The following IRAG1 variants were observed in gnomAD, a reference collection of about 807,000 sequenced individuals.
IRAG1 encodes the protein IP3R-associated cGMP kinase substrate.
IRAG1 carries 62 observed loss-of-function variants against 106.2 expected under a neutral mutation model. The observed-to-expected ratio is 0.58, with a 90% CI of 0.48 to 0.72. The LOEUF is 0.72. Among genes scored for constraint, IRAG1 ranks in the 30% least tolerant of loss-of-function variants. IRAG1 has a pLI of 0.00. For missense variants in IRAG1, 1,064 were observed against 1,140.7 expected, an observed-to-expected ratio of 0.93 and a Z score of 0.97; for synonymous variants, 462 against 443.9, an observed-to-expected ratio of 1.04 and a Z score of -0.51.
chr11:10,603,174 G>A lies in IRAG1; in HGVS notation c.1821C>T (p.His607=). The A allele has an allele frequency of 6.2e-7, 1 of 1,609,570 alleles. No individual in the cohort carries two copies. Among genetic ancestry groups the A allele is most frequent in the Non-Finnish European group, 8.5e-7 (1 of 1,178,022 alleles). Residue 607 remains histidine (H), a synonymous_variant, in exon 14 of 21, where the codon CAC becomes CAT. Coordinates refer to ENST00000423302, the MANE Select transcript of IRAG1 (RefSeq NM_130385.4). ...QKLLEDIAVL[H]RLAARLSSRA... is the part of the protein sequence containing the mutation. ...GGCTGGAGAGGCGGGCAGCCAGGCG[G>A]TGCAGGACAGCGATGTCCTCCAGCA... is the stretch of plus-strand genomic sequence containing the variant.
At chr11:10,615,186 C>T (rs960310807) in intron 10 of IRAG1, among the ~76,000 whole-genome samples, 44 of 152,210 alleles carry the variant, frequency 2.9e-4, no homozygotes, top group Non-Finnish European at 4.1e-4. Flanking sequence ...GAAAAATGCT[C>T]ATTATCACTG....
chr11:10,648,160 T>G (rs1858130941), intron 2 of IRAG1, among the ~76,000 whole-genome samples: 1 of 152,130 alleles, frequency 6.6e-6, no homozygotes, highest in Admixed American at 6.5e-5. Context: ...GGCCAGGAGT[T>G]TGAGACCAGC....
rs550716160 is a variant in IRAG1, at chr11:10,585,743, A to G, written c.2241-3757T>C. Among the ~76,000 whole-genome samples the G allele has an allele frequency of 2.7e-4, 41 of 152,110 alleles. 2 individuals carry two copies. In the South Asian group the frequency reaches 8.5e-3, roughly 32 times the overall value. On this transcript the variant is annotated intron_variant, in intron 18 of 20. Coordinates refer to ENST00000423302, the MANE Select transcript of IRAG1 (RefSeq NM_130385.4). ...ATGTGCCCATTCTTCTGACTGCACT[A>G]TCTGCCACCTAGGTGGGGTATTATC...
intron 2 of IRAG1, among the ~76,000 whole-genome samples, chr11:10,639,295 T>C (rs1263451358): frequency 1.3e-5 from 2 of 152,200 alleles, no homozygotes; most frequent in African/African-American, 4.8e-5. Context: ...AAATATAAGA[T>C]ATAAAAACAT....
intron 10 of IRAG1, among the ~76,000 whole-genome samples, chr11:10,615,917 G>T (rs1855368429): frequency 9.6e-6 from 1 of 104,458 alleles, no homozygotes; most frequent in African/African-American, 2.8e-5. Flanking sequence ...ATGTACCTTA[G>T]AACTTAAAGT....
intron 1 of IRAG1, among the ~76,000 whole-genome samples, chr11:10,658,985 C>G (rs1859181555): frequency 6.6e-6 from 1 of 152,038 alleles, no homozygotes; most frequent in Admixed American, 6.5e-5. Flanking sequence ...TGTGGCTGCC[C>G]AACGTCTGTG....
chr11:10,638,788 C>A (rs1857316294), intron 2 of IRAG1, among the ~76,000 whole-genome samples: 1 of 152,124 alleles, frequency 6.6e-6, no homozygotes, highest in Non-Finnish European at 1.5e-5. Context: ...GCAGGATGGG[C>A]CAAACATGAG....
chr11:10,626,687 G>A, intron 8 of IRAG1, 104 bp from the exon 9 acceptor site: 2 of 1,332,798 alleles, frequency 1.5e-6, no homozygotes. Flanking sequence ...CCTTGCCAAG[G>A]GGCCCATTTG....
At position 10,657,583 on chromosome 11, in the gene IRAG1, C is replaced by T. The variant is rs1434728601; in HGVS notation, c.68-5401G>A. ...CATGGGTTAACCTAGCCTCCACTGA[C>T]CTTTCTGGAGTGACTCAGTATTCTC... On this transcript the variant is annotated intron_variant, in intron 1 of 20. Coordinates refer to ENST00000423302, the MANE Select transcript of IRAG1 (RefSeq NM_130385.4). This position sits in a 1 kb window ranked among gnomAD's most constrained non-coding sequence, Gnocchi z 4.1. 6.6e-6 allele frequency among the ~76,000 whole-genome samples: 1 copy of T among 152,254 alleles called. No individual in the cohort carries two copies. Among genetic ancestry groups the T allele is most frequent in the Non-Finnish European group, 1.5e-5 (1 of 68,052 alleles).
intron 18 of IRAG1, among the ~76,000 whole-genome samples, chr11:10,587,507 CA>C (rs1852149286): frequency 6.6e-6 from 1 of 152,174 alleles, no homozygotes; most frequent in Non-Finnish European, 1.5e-5. Context: ...ATACCATCAG[CA>C]AAGGGGAGTT....
In IRAG1 at chr11:10,626,007, C is replaced by T. The variant is rs1471897101; in HGVS notation, c.1327G>A (p.Val443Met). ...AGTTTCTGCATCCGCACGGGCTGCA[C>T]TTGTATCTGAAAGTCTTTGAGACCA... ...APGLKDFQIQ[V>M]QPVRMQKLTK... The change falls in exon 9 of 21, where the codon GTG (valine) becomes ATG (methionine). Residue 443 changes from valine to methionine, a missense_variant. By Grantham distance (21) the Val-to-Met change is conservative (BLOSUM62 1). Coordinates refer to ENST00000423302, the MANE Select transcript of IRAG1 (RefSeq NM_130385.4). 6.6e-7 allele frequency: 1 copy of T among 1,505,676 alleles called. No homozygotes were observed. The highest frequency in any genetic ancestry group is 8.9e-7 in the Non-Finnish European group (1 of 1,127,430). 93.3% of individuals were successfully genotyped at this position (1,505,676 alleles called of 1,614,324 possible). A position where few individuals can be genotyped will look rare whatever the true frequency, so the allele number is the denominator to read the frequency against.
chr11:10,577,019 T>C (rs1203971296), intron 20 of IRAG1, among the ~76,000 whole-genome samples: 2 of 152,228 alleles, frequency 1.3e-5, no homozygotes, highest in Non-Finnish European at 2.9e-5. Flanking sequence ...CTCTAACCTG[T>C]GCCTTGCCTC....
rs527580534 is a variant in IRAG1 at position 10,594,562 on chromosome 11, C to T, written c.2018-367G>A. On this transcript the variant is annotated intron_variant, in intron 15 of 20. Coordinates refer to ENST00000423302, the MANE Select transcript of IRAG1 (RefSeq NM_130385.4). Reference sequence around the variant, plus strand: ...TATTTCATGCTCGTTCAAGGATGTACAGTCAGAGAAACTATGAGCAAGGAA... The same window carrying T: ...TATTTCATGCTCGTTCAAGGATGTATAGTCAGAGAAACTATGAGCAAGGAA... 4.6e-5 allele frequency among the ~76,000 whole-genome samples: 7 copies of T among 152,264 alleles called. No individual in the cohort carries two copies. The East Asian group carries it at 1.2e-3, about 25-fold the overall frequency.
Position 10,632,033 on chromosome 11 carries a change from G to A in IRAG1, c.358C>T (p.His120Tyr), listed in dbSNP as rs1383823096. The A allele has an allele frequency of 6.2e-7, 1 of 1,613,876 alleles. No individual in the cohort carries two copies. The highest frequency in any genetic ancestry group is 8.5e-7 in the Non-Finnish European group (1 of 1,179,852). ...RVHSPHKRLS[H>Y]RHLKVSTASL... ...GCAGTGGACACCTTCAAGTGTCGGT[G>A]AGAAAGCCTCTTGTGGGGACTGTGA... is the stretch of plus-strand genomic sequence containing the variant. Residue 120 changes from histidine (H) to tyrosine (Y), a missense_variant, in exon 4 of 21, where the codon CAC (histidine) becomes TAC (tyrosine). By Grantham distance (83) the His-to-Tyr change is moderately conservative. Coordinates refer to ENST00000423302, the MANE Select transcript of IRAG1 (RefSeq NM_130385.4).
chr11:10,685,416 C>CAAAAAAAAAA (rs375363531), intron 1 of IRAG1, among the ~76,000 whole-genome samples: 1 of 136,598 alleles, frequency 7.3e-6, no homozygotes, highest in Non-Finnish European at 1.6e-5. Flanking sequence ...ATTCCGTTCC[C>CAAAAAAAAAA]AAAAAAAAAA....
intron 2 of IRAG1, among the ~76,000 whole-genome samples, chr11:10,642,684 C>A (rs183831053): frequency 6.6e-6 from 1 of 152,338 alleles, no homozygotes; most frequent in East Asian, 1.9e-4. Flanking sequence ...TCACTATTCT[C>A]TAGGCTTGTT....
chr11:10,577,556 T>C (rs993563457), intron 20 of IRAG1, among the ~76,000 whole-genome samples: 2 of 152,196 alleles, frequency 1.3e-5, no homozygotes, highest in African/African-American at 4.8e-5. Context: ...AAAATGAGAA[T>C]ACTGAGGATT....
rs2134867729 is a variant in IRAG1, at chr11:10,649,487, A to C, written c.225+2538T>G. 2.0e-5 allele frequency among the ~76,000 whole-genome samples: 3 copies of C among 152,306 alleles called. No homozygotes were observed. In the South Asian group the frequency reaches 6.2e-4, roughly 32 times the overall value. On this transcript the variant is annotated intron_variant, in intron 2 of 20. Coordinates refer to ENST00000423302, the MANE Select transcript of IRAG1 (RefSeq NM_130385.4). Reference sequence around the variant, plus strand: ...CAGCAAAGTTAACAGACTTGGTCTCAAAGTTTCTTGGCCAAGACAAGGTCT... The same window carrying C: ...CAGCAAAGTTAACAGACTTGGTCTCCAAGTTTCTTGGCCAAGACAAGGTCT...
rs375512946 is a variant in IRAG1, at chr11:10,652,073, G to A, written c.177C>T (p.Asp59=). 2.4e-4 allele frequency: 377 copies of A among 1,599,808 alleles called. 1 individual carries two copies. In the African/African-American group the frequency reaches 3.4e-3, roughly 14 times the overall value. ...CCTGTGGCTCTCCGGGGGGCTCCTC[G>A]TCCTCGGGAATGTGGGGCATGGCAG... ...QEAAMPHIPE[D]EEPPGEPQAA... Residue 59 remains aspartate (D), a synonymous_variant, in exon 2 of 21, where the codon GAC becomes GAT. Transcript: ENST00000423302.
Sources: gnomAD v4.1 joint callset for allele counts (sites outside exome capture counted in the v4.1 genomes callset) on GRCh38, gnomAD v4.1.1 for gene constraint, Gnocchi (gnomAD v3.1) non-coding constraint, MANE v1.5 for transcripts, NCBI Gene and HGNC (gene_info 2026-07-23, HGNC 2026-07-21) for gene names.